The following ITPR1 variants were observed in gnomAD, a reference collection of about 807,000 sequenced individuals.
ITPR1 encodes inositol 1,4,5-trisphosphate receptor type 1.
A neutral mutation model predicts 318.4 loss-of-function variants in ITPR1; 96 were observed. That is an observed-to-expected ratio of 0.30 (90% CI 0.26 to 0.36). ITPR1 has a LOEUF of 0.36. Ranked by LOEUF, ITPR1 falls within the 10% of genes least tolerant of loss-of-function variation. ITPR1 has a pLI of 1.00. For synonymous variants in ITPR1, 1,312 were observed against 1,289.9 expected (o/e 1.02, Z -0.37); for missense variants, 2,440 against 3,460.2 (o/e 0.71, Z 7.40).
intron 18 of ITPR1, among the ~76,000 whole-genome samples, chr3:4,667,815 T>C (rs1234628161): frequency 2.0e-5 from 3 of 152,192 alleles, no homozygotes; most frequent in Non-Finnish European, 4.4e-5. Context: ...TGGGTAGTTA[T>C]GAAAATTAAA....
chr3:4,714,298 C>T lies in ITPR1; in HGVS notation c.5103+2430C>T, dbSNP rs140565676. ...TGTTCTTTGGCCTGGGTGCTGAGGACGACACCACGGTGAGTGTGGAGGCCG... is the reference window on the plus strand; with the variant it reads ...TGTTCTTTGGCCTGGGTGCTGAGGATGACACCACGGTGAGTGTGGAGGCCG... On this transcript the variant is annotated intron_variant, in intron 39 of 61. Coordinates refer to ENST00000649015, the MANE Select transcript of ITPR1 (RefSeq NM_001378452.1). Among the ~76,000 whole-genome samples, 100 of 152,006 alleles carry T rather than the reference C, an allele frequency of 6.6e-4. 1 individual carries two copies. Among genetic ancestry groups the T allele is most frequent in the African/African-American group, 2.1e-3 (87 of 41,272 alleles).
chr3:4,835,612 T>C (rs969203774), intron 60 of ITPR1, among the ~76,000 whole-genome samples: 1 of 152,128 alleles, frequency 6.6e-6, no homozygotes, highest in Admixed American at 6.5e-5. Context: ...AGAAAGACCA[T>C]TAAATGTATC....
In ITPR1 at chr3:4,520,649, G is replaced by C. The variant is rs73807278; in HGVS notation, c.93-375G>C. Among the ~76,000 whole-genome samples, 898 of 152,204 alleles carry C rather than the reference G, an allele frequency of 5.9e-3. 8 individuals carry two copies. The highest frequency in any genetic ancestry group is 0.021 in the African/African-American group (870 of 41,514). On this transcript the variant is annotated intron_variant, in intron 3 of 61. Transcript: ENST00000649015. ...TGCACTAGCCTTGAGCTCCCAAAGA[G>C]CAAGGGCCTGGCTCATATTCACCTG... is the stretch of plus-strand genomic sequence containing the variant.
intron 4 of ITPR1, among the ~76,000 whole-genome samples, chr3:4,581,581 G>A (rs2089345541): frequency 6.6e-6 from 1 of 152,190 alleles, no homozygotes; most frequent in Non-Finnish European, 1.5e-5. Flanking sequence ...CCCATTACAA[G>A]TTTTATATGA....
intron 4 of ITPR1, among the ~76,000 whole-genome samples, chr3:4,530,200 A>G (rs142782426): frequency 1.2e-4 from 19 of 152,314 alleles, no homozygotes; most frequent in Non-Finnish European, 2.2e-4. Context: ...ATTTATCACT[A>G]TCTGATAAAT....
intron 29 of ITPR1, 33 bp downstream of exon 29, chr3:4,684,379 CT>C: frequency 6.7e-7 from 1 of 1,485,826 alleles, no homozygotes; most frequent in South Asian, 1.2e-5. Context: ...TTTTTCCTTT[CT>C]TTATGAATTC....
intron 7 of ITPR1, among the ~76,000 whole-genome samples, chr3:4,643,851 C>T (rs1490633306): frequency 1.3e-5 from 2 of 151,196 alleles, no homozygotes; most frequent in African/African-American, 4.9e-5. Context: ...GTACCTTAAA[C>T]TGAACAGTTT....
At position 4,758,073 on chromosome 3, in the gene ITPR1, C is replaced by T. The variant is rs142992059; in HGVS notation, c.5545-8457C>T. Among the ~76,000 whole-genome samples, 888 of 152,234 alleles carry T rather than the reference C, an allele frequency of 5.8e-3. 23 individuals carry two copies. Among genetic ancestry groups the T allele is most frequent in the East Asian group, 0.013 (69 of 5,186 alleles). On this transcript the variant is annotated intron_variant, in intron 44 of 61. Transcript: ENST00000649015. Reference sequence around the variant, plus strand: ...AAGCTTTGGCTCACTGTTTGGCAGCCACATTTTTCAAATTCTTGGCCTTAA... The same window carrying T: ...AAGCTTTGGCTCACTGTTTGGCAGCTACATTTTTCAAATTCTTGGCCTTAA...
intron 5 of ITPR1, among the ~76,000 whole-genome samples, chr3:4,629,957 A>T (rs1334809788): frequency 6.6e-6 from 1 of 152,184 alleles, no homozygotes; most frequent in Non-Finnish European, 1.5e-5. Flanking sequence ...TCGTTATTTG[A>T]ATAATGATGA....
At chr3:4,565,940 T>A (rs979375443) in intron 4 of ITPR1, among the ~76,000 whole-genome samples, 13 of 152,236 alleles carry the variant, frequency 8.5e-5, no homozygotes, top group African/African-American at 3.1e-4. Flanking sequence ...CCTTTTCATT[T>A]ATTGCCATTT....
chr3:4,780,480 G>T (rs576307540), intron 49 of ITPR1, among the ~76,000 whole-genome samples: 12 of 152,272 alleles, frequency 7.9e-5, no homozygotes, highest in Non-Finnish European at 1.6e-4. Flanking sequence ...GCTGTGAGAC[G>T]AGCAGCTTTC....
intron 4 of ITPR1, among the ~76,000 whole-genome samples, chr3:4,557,781 G>T (rs962764119): frequency 7.9e-5 from 12 of 152,006 alleles, no homozygotes; most frequent in Non-Finnish European, 1.8e-4. Flanking sequence ...GAAGCCAGAT[G>T]GGGGTAGGGG....
At chr3:4,813,024 A>G (rs896532886) in intron 56 of ITPR1, 118 bp from the exon 57 acceptor site, 3 of 764,088 alleles carry the variant, frequency 3.9e-6, no homozygotes, top group Non-Finnish European at 6.8e-6. Context: ...TTTATATGCA[A>G]GATTCTAGGG....
chr3:4,602,801 G>T (rs147557650), intron 4 of ITPR1, among the ~76,000 whole-genome samples: 36 of 152,134 alleles, frequency 2.4e-4, no homozygotes, highest in African/African-American at 8.2e-4. Context: ...GTAAAATACC[G>T]AGAATTCATA....
intron 40 of ITPR1, among the ~76,000 whole-genome samples, chr3:4,722,003 T>G (rs184275452): frequency 9.8e-5 from 15 of 152,312 alleles, no homozygotes; most frequent in Admixed American, 8.5e-4. Context: ...GTACATTATG[T>G]GTTGCAAGTG....
At chr3:4,568,601 G>C (rs1017840518) in intron 4 of ITPR1, among the ~76,000 whole-genome samples, 1 of 152,190 alleles carries the variant, frequency 6.6e-6, no homozygotes, top group Admixed American at 6.5e-5. Flanking sequence ...CACATGGATA[G>C]ATAGTGACCA....
chr3:4,536,946 G>A (rs976372828), intron 4 of ITPR1, among the ~76,000 whole-genome samples: 4 of 126,514 alleles, frequency 3.2e-5, no homozygotes, highest in East Asian at 2.0e-4. Flanking sequence ...AAACAAAAGG[G>A]GGATTTTTTG....
chr3:4,665,189 C>A lies in ITPR1; in HGVS notation c.1606C>A (p.Leu536Ile). ...PFTDCGDGPM[L>I]RLEELGDQRH... is the part of the protein sequence containing the mutation. The stretch of plus-strand genomic sequence containing the variant: ...CACAGACTGCGGTGATGGCCCAATG[C>A]TTCGGCTGGAAGAGCTCGGGGACCA... Residue 536 changes from leucine to isoleucine, a missense_variant, in exon 17 of 62, where the codon CTT becomes ATT. By Grantham distance (5) the Leu-to-Ile change is conservative. Coordinates refer to ENST00000649015, the MANE Select transcript of ITPR1 (RefSeq NM_001378452.1). 6.2e-7 allele frequency: 1 copy of A among 1,614,012 alleles called. No homozygotes were observed. Among genetic ancestry groups the A allele is most frequent in the Non-Finnish European group, 8.5e-7 (1 of 1,179,856 alleles).
At chr3:4,603,462 T>A (rs1442365211) in intron 4 of ITPR1, among the ~76,000 whole-genome samples, 11 of 152,096 alleles carry the variant, frequency 7.2e-5, no homozygotes, top group Non-Finnish European at 1.5e-4. Flanking sequence ...CAGAGTCTCC[T>A]TCTGTCACCC....
Sources: gnomAD v4.1 joint callset for allele counts (sites outside exome capture counted in the v4.1 genomes callset) on GRCh38, gnomAD v4.1.1 for gene constraint, MANE v1.5 for transcripts, NCBI Gene and HGNC (gene_info 2026-07-23, HGNC 2026-07-21) for gene names.